TTC39C: variants seen among roughly 807,000 people sequenced by gnomAD.
TTC39C encodes tetratricopeptide repeat protein 39C.
In TTC39C, 33 loss-of-function variants were observed where a neutral mutation model predicts 76.3. That is an observed-to-expected ratio of 0.43 (90% confidence interval 0.33 to 0.58). The LOEUF (loss-of-function observed/expected upper bound fraction) is 0.58. TTC39C is among the 20% of genes least tolerant of loss of function. TTC39C has a pLI of 0.04. For missense variants in TTC39C, 595 were observed against 701.4 expected (o/e 0.85, Z 1.71); for synonymous variants, 254 against 260.6 (o/e 0.97, Z 0.24).
At chr18:24,107,895 G>GGGA (rs144470637) in intron 6 of TTC39C, among the ~76,000 whole-genome samples, 2 of 151,186 alleles carry the variant, frequency 1.3e-5, no homozygotes, top group Non-Finnish European at 3.0e-5. Flanking sequence ...AGTAGGGGGG[G>GGGA]GGGTACAGGC....
chr18:24,009,179 G>A (rs2083377613), intron 1 of TTC39C, among the ~76,000 whole-genome samples: 1 of 152,116 alleles, frequency 6.6e-6, no homozygotes, highest in African/African-American at 2.4e-5. Flanking sequence ...AACAAACCTG[G>A]ACATGTACCT....
Position 24,080,789 on chromosome 18 carries a change from GAT to G in TTC39C, c.668_669del (p.Tyr223TrpfsTer41), listed in dbSNP as rs755140019. The G allele has an allele frequency of 1.9e-6, 3 of 1,614,156 alleles. No homozygotes were observed. The South Asian group carries it at 3.3e-5, about 18-fold the overall frequency. ...AGACTGAAAGGTGCTGTTAGCTTTG[GAT>G]ATGGCCTTTTTCACCTTTGCATATC... On this transcript the variant is annotated frameshift_variant, in exon 5 of 14. Transcript: ENST00000317571. LOFTEE classifies it high-confidence loss of function.
At position 24,099,875 on chromosome 18, in the gene TTC39C, T is replaced by C. The variant is rs140532109; in HGVS notation, c.985-14679T>C. Among the ~76,000 whole-genome samples the C allele has an allele frequency of 1.5e-3, 235 of 152,292 alleles. 1 individual carries two copies. The highest frequency in any genetic ancestry group is 5.3e-3 in the African/African-American group (221 of 41,592). ...TATTATAGTTTTCCATTTCTAGTTA[T>C]TACTTTCCAAACATATAACTTAATA... On this transcript the variant is annotated intron_variant, in intron 6 of 13. Transcript: ENST00000317571.
intron 1 of TTC39C, among the ~76,000 whole-genome samples, chr18:24,008,879 A>T (rs1441809918): frequency 1.3e-5 from 2 of 152,254 alleles, no homozygotes; most frequent in Non-Finnish European, 2.9e-5. Flanking sequence ...ATAAAAAAGA[A>T]TAAGATCATG....
At chr18:24,107,498 C>G (rs565460401) in intron 6 of TTC39C, among the ~76,000 whole-genome samples, 1 of 152,220 alleles carries the variant, frequency 6.6e-6, no homozygotes, top group East Asian at 1.9e-4. Context: ...GGGGCAGTTT[C>G]CCTCATCCTG....
At chr18:24,113,882 A>C in intron 6 of TTC39C, 1 of 555,700 alleles carries the variant, frequency 1.8e-6, no homozygotes, top group Non-Finnish European at 3.2e-6. Context: ...ATGTGAATGA[A>C]AGTGTTGGAA....
At chr18:24,125,573 A>G (rs1434067073) in intron 10 of TTC39C, 23 bp downstream of exon 10, 1 of 1,613,862 alleles carries the variant, frequency 6.2e-7, no homozygotes, top group Non-Finnish European at 8.5e-7. Context: ...AAAAAACCCA[A>G]AACTGTCTAC....
chr18:24,087,343 A>G (rs559354001), intron 6 of TTC39C, among the ~76,000 whole-genome samples: 3 of 152,168 alleles, frequency 2.0e-5, no homozygotes, highest in Non-Finnish European at 4.4e-5. Context: ...ACAGATTTAC[A>G]CAACTTTTTT....
chr18:24,079,056 C>T (rs901139709), intron 4 of TTC39C, among the ~76,000 whole-genome samples: 6 of 152,022 alleles, frequency 3.9e-5, no homozygotes, highest in South Asian at 2.1e-4. Context: ...TTAAAAATGC[C>T]GTTCTGAAAA....
intron 1 of TTC39C, among the ~76,000 whole-genome samples, chr18:24,004,907 T>A (rs537919946): frequency 6.6e-6 from 1 of 152,364 alleles, no homozygotes; most frequent in African/African-American, 2.4e-5. Context: ...GACATTAGAC[T>A]CACCTGAGGT....
At chr18:24,053,502 A>G (rs2083978426) in intron 1 of TTC39C, among the ~76,000 whole-genome samples, 1 of 152,210 alleles carries the variant, frequency 6.6e-6, no homozygotes, top group African/African-American at 2.4e-5. Flanking sequence ...GATTGCTGCA[A>G]CATCTTTGAA....
At chr18:24,113,144 C>G (rs957491804) in intron 6 of TTC39C, among the ~76,000 whole-genome samples, 1 of 152,170 alleles carries the variant, frequency 6.6e-6, no homozygotes, top group Non-Finnish European at 1.5e-5. Flanking sequence ...GGTCAGCATT[C>G]ATAAACGGTG....
intron 3 of TTC39C, among the ~76,000 whole-genome samples, chr18:24,067,694 A>C (rs1157824594): frequency 6.6e-6 from 1 of 152,110 alleles, no homozygotes; most frequent in East Asian, 1.9e-4. Flanking sequence ...TCCATGGAAA[A>C]ATTGTCTTCC....
intron 6 of TTC39C, among the ~76,000 whole-genome samples, chr18:24,094,066 C>G (rs1334955087): frequency 6.6e-6 from 1 of 152,238 alleles, no homozygotes; most frequent in Non-Finnish European, 1.5e-5. Flanking sequence ...TCAATTCTCT[C>G]AAACCTTACC....
intron 1 of TTC39C, among the ~76,000 whole-genome samples, chr18:23,999,894 G>C (rs1313222514): frequency 1.3e-5 from 2 of 152,206 alleles, no homozygotes; most frequent in Non-Finnish European, 2.9e-5. Context: ...GTTCTTACTT[G>C]CAAGCCACAA....
At position 24,129,117 on chromosome 18, in the gene TTC39C, T is replaced by G. The variant is rs533677890; in HGVS notation, c.1518+134T>G. 447 of 575,470 alleles carry G rather than the reference T, an allele frequency of 7.8e-4. 1 individual carries two copies. The highest frequency in any genetic ancestry group is 1.2e-3 in the Non-Finnish European group (409 of 339,854). The allele number at this position is 575,470 out of a possible 1,614,324, so 35.6% of individuals were successfully genotyped here. On this transcript the variant is annotated intron_variant, in intron 11 of 13. Transcript: ENST00000317571. Reference sequence around the variant, plus strand: ...TATAAACTTTATCCAATTATTTGATTAATGCCATCTTCTCAGATGCTAGAA... The same window carrying G: ...TATAAACTTTATCCAATTATTTGATGAATGCCATCTTCTCAGATGCTAGAA...
At chr18:24,005,596 A>G (rs1388136074) in intron 1 of TTC39C, among the ~76,000 whole-genome samples, 1 of 152,066 alleles carries the variant, frequency 6.6e-6, no homozygotes, top group Non-Finnish European at 1.5e-5. Flanking sequence ...CGGTAATCCC[A>G]ATACTTTGGG....
intron 1 of TTC39C, chr18:23,994,560 C>T (rs77548840): frequency 0.12 from 17,818 of 152,082 alleles, 1,235 homozygotes; most frequent in South Asian, 0.21. Flanking sequence ...CCCTCATAGC[C>T]AGGGCTTACA....
At chr18:24,088,618 C>T (rs748644853) in intron 6 of TTC39C, among the ~76,000 whole-genome samples, 12 of 152,354 alleles carry the variant, frequency 7.9e-5, no homozygotes, top group South Asian at 6.2e-4. Context: ...ACAGCCCTCT[C>T]TGCCCGTCCA....
Sources: allele counts gnomAD v4.1 joint callset (sites outside exome capture counted in the v4.1 genomes callset), GRCh38; gene constraint gnomAD v4.1.1; transcripts MANE v1.5; gene names NCBI Gene and HGNC (gene_info 2026-07-23, HGNC 2026-07-21).